The following ZC4H2 variants were observed in gnomAD, a reference collection of about 807,000 sequenced individuals.
The protein encoded by ZC4H2 is zinc finger C4H2 domain-containing protein.
For missense variants in ZC4H2, 137 were observed against 173.9 expected, an observed-to-expected ratio of 0.79 and a Z score of 1.19; for synonymous variants, 84 against 66.3, an observed-to-expected ratio of 1.27 and a Z score of -1.30.
At chrX:64,931,775 T>C (rs1402619575) in intron 1 of ZC4H2, among the ~76,000 whole-genome samples, 1 of 111,578 alleles carries the variant, frequency 9.0e-6, no homozygotes, top group African/African-American at 3.3e-5. Flanking sequence ...ACCTATGATA[T>C]GGTCTATCTT....
intron 1 of ZC4H2, among the ~76,000 whole-genome samples, chrX:65,016,083 T>C (rs1225364350): frequency 8.9e-6 from 1 of 112,074 alleles, no homozygotes; most frequent in East Asian, 2.8e-4. Flanking sequence ...ATTATATCTA[T>C]AAATAAATAT....
intron 1 of ZC4H2, among the ~76,000 whole-genome samples, chrX:64,933,364 T>C (rs2147364368): frequency 8.9e-6 from 1 of 111,860 alleles, no homozygotes; most frequent in East Asian, 2.8e-4. Context: ...ACTTCAGAGA[T>C]TTCTTCTTGG....
At chrX:65,030,528 A>T (rs1932923748) in intron 1 of ZC4H2, among the ~76,000 whole-genome samples, 1 of 112,157 alleles carries the variant, frequency 8.9e-6, no homozygotes, top group Admixed American at 9.4e-5. Context: ...TCAATTTATG[A>T]TTTCATTTAT....
chrX:64,960,337 A>G (rs970421289), intron 1 of ZC4H2, among the ~76,000 whole-genome samples: 4 of 110,007 alleles, frequency 3.6e-5, no homozygotes, highest in Non-Finnish European at 7.6e-5. Flanking sequence ...AAAAAAGGGG[A>G]CTCTCTCAAT....
chrX:64,995,501 A>T (rs1177135084), intron 1 of ZC4H2, among the ~76,000 whole-genome samples: 1 of 112,082 alleles, frequency 8.9e-6, no homozygotes, highest in Non-Finnish European at 1.9e-5. Context: ...CTGGGACCAC[A>T]GGCATGTGCC....
intron 1 of ZC4H2, among the ~76,000 whole-genome samples, chrX:64,947,613 A>G (rs1198748057): frequency 8.9e-6 from 1 of 112,542 alleles, no homozygotes; most frequent in Admixed American, 9.4e-5. Context: ...CTGCACTTCT[A>G]TATTTGAGTC....
chrX:64,996,269 A>G (rs933236211), intron 1 of ZC4H2, among the ~76,000 whole-genome samples: 15 of 111,603 alleles, frequency 1.3e-4, no homozygotes, highest in African/African-American at 4.6e-4. Flanking sequence ...AGAAACAGAA[A>G]CTTCAGTAAC....
chrX:64,947,753 C>T (rs1377512859), intron 1 of ZC4H2, among the ~76,000 whole-genome samples: 2 of 111,854 alleles, frequency 1.8e-5, no homozygotes, highest in African/African-American at 6.5e-5. Flanking sequence ...TGATACGCTG[C>T]TGAGTGTTCA....
At chrX:64,974,201 T>C (rs775555623) in intron 1 of ZC4H2, among the ~76,000 whole-genome samples, 25 of 112,179 alleles carry the variant, frequency 2.2e-4, no homozygotes, top group Non-Finnish European at 1.3e-4. Context: ...ACCTATCCAT[T>C]GAGTTTTTTG....
chrX:64,929,973 T>C (rs1282812170), intron 1 of ZC4H2, among the ~76,000 whole-genome samples: 3 of 111,790 alleles, frequency 2.7e-5, no homozygotes, highest in African/African-American at 9.8e-5. Flanking sequence ...ATGGTCATTT[T>C]CATACTATTG....
At chrX:64,991,308 T>G (rs1045285048) in intron 1 of ZC4H2, among the ~76,000 whole-genome samples, 3 of 112,115 alleles carry the variant, frequency 2.7e-5, no homozygotes, top group Non-Finnish European at 5.6e-5. Flanking sequence ...TTGTCACACT[T>G]ACCTCCACTA....
chrX:64,987,091 CT>C (rs1932203018), intron 1 of ZC4H2, among the ~76,000 whole-genome samples: 1 of 108,520 alleles, frequency 9.2e-6, no homozygotes, highest in African/African-American at 3.4e-5. Context: ...CCAAGCCCGG[CT>C]AATTTTTTTG....
At chrX:65,031,205 C>T (rs760578267) in intron 1 of ZC4H2, among the ~76,000 whole-genome samples, 1 of 112,197 alleles carries the variant, frequency 8.9e-6, no homozygotes, top group Non-Finnish European at 1.9e-5. Context: ...ACCTACTTCT[C>T]TATATTCAAC....
chrX:64,946,045 T>C (rs1972429380), intron 1 of ZC4H2, among the ~76,000 whole-genome samples: 1 of 110,731 alleles, frequency 9.0e-6, no homozygotes, highest in Non-Finnish European at 1.9e-5. Flanking sequence ...CTAAGCGAGA[T>C]CACTTGGCTT....
At chrX:65,004,931 A>G (rs1436134101) in intron 1 of ZC4H2, among the ~76,000 whole-genome samples, 1 of 111,709 alleles carries the variant, frequency 9.0e-6, no homozygotes, top group African/African-American at 3.3e-5. Context: ...TTCCTATACA[A>G]CAATAATAGA....
intron 1 of ZC4H2, among the ~76,000 whole-genome samples, chrX:64,990,984 A>C (rs185778003): frequency 2.9e-4 from 33 of 112,077 alleles, no homozygotes; most frequent in East Asian, 2.8e-3. Context: ...AGGGGCAAAG[A>C]CTACACTGAA....
chrX:64,923,560 G>C (rs1207161708), intron 1 of ZC4H2, among the ~76,000 whole-genome samples: 2 of 110,464 alleles, frequency 1.8e-5, no homozygotes, highest in African/African-American at 6.6e-5. Flanking sequence ...GACATTGCCT[G>C]TGCCTCTTGC....
chrX:64,953,559 T>A (rs1177459945), intron 1 of ZC4H2, among the ~76,000 whole-genome samples: 2 of 112,048 alleles, frequency 1.8e-5, no homozygotes, highest in African/African-American at 6.5e-5. Context: ...CAGCCATAAG[T>A]CACATGAAAA....
At chrX:64,991,794 G>A (rs935361931) in intron 1 of ZC4H2, among the ~76,000 whole-genome samples, 3 of 112,246 alleles carry the variant, frequency 2.7e-5, no homozygotes, top group African/African-American at 9.7e-5. Flanking sequence ...CAATTGATGA[G>A]TGGATAAATA....
Sources: gnomAD v4.1 joint callset for allele counts (sites outside exome capture counted in the v4.1 genomes callset) on GRCh38, gnomAD v4.1.1 for gene constraint, MANE v1.5 for transcripts, NCBI Gene and HGNC (gene_info 2026-07-23, HGNC 2026-07-21) for gene names.